SSBP2: variants seen among roughly 807,000 people sequenced by gnomAD.
SSBP2 encodes the protein single stranded DNA binding protein 2.
SSBP2 carries 17 observed loss-of-function variants against 61.8 expected under a neutral mutation model. The observed-to-expected ratio is 0.28, with a 90% CI of 0.19 to 0.41. SSBP2 has a LOEUF of 0.41. Among genes scored for constraint, SSBP2 ranks in the 10% least tolerant of loss-of-function variants. The probability of loss-of-function intolerance (pLI) is 1.00; values close to 1 mark genes in which losing one functional copy is unlikely to be tolerated. For synonymous variants in SSBP2, 139 were observed against 141.3 expected (o/e 0.98, Z 0.12); for missense variants, 310 against 458.7 (o/e 0.68, Z 2.96).
chr5:81,454,110 G>A (rs1482989794), intron 10 of SSBP2, among the ~76,000 whole-genome samples: 1 of 152,126 alleles, frequency 6.6e-6, no homozygotes, highest in Non-Finnish European at 1.5e-5. Flanking sequence ...GACAGGCCAA[G>A]GAATTAATTA....
At chr5:81,574,569 A>T (rs1007756106) in intron 4 of SSBP2, among the ~76,000 whole-genome samples, 3 of 152,140 alleles carry the variant, frequency 2.0e-5, no homozygotes, top group Admixed American at 6.5e-5. Context: ...AAAACTGATT[A>T]AAAACCCTGA....
At chr5:81,703,828 T>C (rs1460328924) in intron 1 of SSBP2, among the ~76,000 whole-genome samples, 1 of 152,232 alleles carries the variant, frequency 6.6e-6, no homozygotes, top group African/African-American at 2.4e-5. Context: ...AGATCCAAAA[T>C]ATGGTGACTA....
At chr5:81,572,431 T>C (rs1467575376) in intron 4 of SSBP2, among the ~76,000 whole-genome samples, 1 of 152,178 alleles carries the variant, frequency 6.6e-6, no homozygotes, top group Non-Finnish European at 1.5e-5. Context: ...CCAAAAAACA[T>C]TCTGACTCCA....
At chr5:81,578,575 G>A (rs1774405020) in intron 4 of SSBP2, among the ~76,000 whole-genome samples, 1 of 151,720 alleles carries the variant, frequency 6.6e-6, no homozygotes, top group African/African-American at 2.4e-5. Context: ...AAAGAAAAAT[G>A]AGTAAGAGGG....
intron 3 of SSBP2, among the ~76,000 whole-genome samples, chr5:81,628,196 A>C (rs1747363346): frequency 6.6e-6 from 1 of 152,250 alleles, no homozygotes; most frequent in Non-Finnish European, 1.5e-5. Flanking sequence ...GGAAGCTTAG[A>C]ATCCATGGCA....
intron 3 of SSBP2, among the ~76,000 whole-genome samples, chr5:81,622,022 G>T (rs1297499261): frequency 6.7e-6 from 1 of 148,404 alleles, no homozygotes; most frequent in Admixed American, 6.7e-5. Flanking sequence ...CGAGTTAGTG[G>T]GTGCAGCGCA....
At chr5:81,558,763 T>A (rs974759411) in intron 4 of SSBP2, among the ~76,000 whole-genome samples, 1 of 152,196 alleles carries the variant, frequency 6.6e-6, no homozygotes. Flanking sequence ...TTCTTTCCTA[T>A]CTCTTTGACA....
At chr5:81,692,905 TAAAAG>T (rs960415934) in intron 1 of SSBP2, among the ~76,000 whole-genome samples, 9 of 152,116 alleles carry the variant, frequency 5.9e-5, no homozygotes, top group Admixed American at 4.6e-4. Context: ...ATAAAACTCT[TAAAAG>T]AAAATATTGA....
intron 4 of SSBP2, among the ~76,000 whole-genome samples, chr5:81,525,251 G>T (rs1253562032): frequency 1.3e-5 from 2 of 151,716 alleles, no homozygotes; most frequent in African/African-American, 4.8e-5. Flanking sequence ...ATGTCACAGG[G>T]GTTTGTTGTA....
At chr5:81,486,706 A>T (rs1302780202) in intron 6 of SSBP2, among the ~76,000 whole-genome samples, 3 of 152,132 alleles carry the variant, frequency 2.0e-5, no homozygotes, top group African/African-American at 7.2e-5. Context: ...GAGAAAATAA[A>T]ATTCCCGTAT....
chr5:81,499,447 C>T (rs1006421136), intron 5 of SSBP2, among the ~76,000 whole-genome samples: 1 of 152,160 alleles, frequency 6.6e-6, no homozygotes, highest in Non-Finnish European at 1.5e-5. Context: ...TGTGTAGCAA[C>T]AGACAGTGGG....
At chr5:81,730,409 A>C (rs1756183467) in intron 1 of SSBP2, among the ~76,000 whole-genome samples, 1 of 151,950 alleles carries the variant, frequency 6.6e-6, no homozygotes, top group Non-Finnish European at 1.5e-5. Flanking sequence ...AACTTTAATA[A>C]AGGCAGAGTT....
chr5:81,494,737 T>C (rs1480292626), intron 5 of SSBP2, among the ~76,000 whole-genome samples: 1 of 151,508 alleles, frequency 6.6e-6, no homozygotes, highest in Non-Finnish European at 1.5e-5. Flanking sequence ...ACTAAAACAG[T>C]CTAAAATAAA....
chr5:81,721,600 G>GAAAACA (rs544994603), intron 1 of SSBP2, among the ~76,000 whole-genome samples: 5 of 151,998 alleles, frequency 3.3e-5, no homozygotes, highest in Admixed American at 1.3e-4. Context: ...CATGGAAACT[G>GAAAACA]AAAACAAAAA....
At chr5:81,421,675 A>G (rs1761621856) in intron 16 of SSBP2, among the ~76,000 whole-genome samples, 1 of 152,212 alleles carries the variant, frequency 6.6e-6, no homozygotes. Context: ...TAATTGTGCC[A>G]TTGTACCCTC....
At chr5:81,698,019 T>C (rs569826325) in intron 1 of SSBP2, among the ~76,000 whole-genome samples, 62 of 152,300 alleles carry the variant, frequency 4.1e-4, no homozygotes, top group African/African-American at 1.4e-3. Context: ...ATATTCAATT[T>C]CTTTTTTTAA....
chr5:81,719,257 C>T (rs1238549144), intron 1 of SSBP2, among the ~76,000 whole-genome samples: 1 of 152,174 alleles, frequency 6.6e-6, no homozygotes, highest in Non-Finnish European at 1.5e-5. Flanking sequence ...CCATGAGCAG[C>T]TGCTCCAGGA....
chr5:81,427,157 T>C (rs1017546204), intron 16 of SSBP2, among the ~76,000 whole-genome samples: 1 of 152,206 alleles, frequency 6.6e-6, no homozygotes, highest in Admixed American at 6.5e-5. Flanking sequence ...AGGAAATAAA[T>C]GTCTTTAATT....
At chr5:81,537,068 G>T (rs1770863338) in intron 4 of SSBP2, among the ~76,000 whole-genome samples, 1 of 151,870 alleles carries the variant, frequency 6.6e-6, no homozygotes, top group South Asian at 2.1e-4. Flanking sequence ...TTTTCTAAAA[G>T]GAATTTTGAA....
Sources: allele counts gnomAD v4.1 joint callset (sites outside exome capture counted in the v4.1 genomes callset), GRCh38; gene constraint gnomAD v4.1.1; transcripts MANE v1.5; gene names NCBI Gene and HGNC (gene_info 2026-07-23, HGNC 2026-07-21).